Variants in TMEFF1 observed in about 807,000 individuals in gnomAD.
The protein encoded by TMEFF1 is tomoregulin-1.
A neutral mutation model predicts 47.5 loss-of-function variants in TMEFF1; 20 were observed. The ratio of observed to expected loss-of-function variants is 0.42; its 90% CI spans 0.30 to 0.61. The LOEUF (loss-of-function observed/expected upper bound fraction) is 0.61, where lower values mean the gene tolerates loss of function less well. Among genes scored for constraint, TMEFF1 ranks in the 20% least tolerant of loss-of-function variants. The pLI is 0.19. For synonymous variants in TMEFF1, 162 were observed against 166.3 expected, an observed-to-expected ratio of 0.97 and a Z score of 0.20; for missense variants, 411 against 471.1, an observed-to-expected ratio of 0.87 and a Z score of 1.18.
At chr9:100,536,994 T>G (rs916957450) in intron 5 of TMEFF1, among the ~76,000 whole-genome samples, 1 of 152,240 alleles carries the variant, frequency 6.6e-6, no homozygotes, top group Non-Finnish European at 1.5e-5. Context: ...TGAAGAGATG[T>G]TACATGATAG....
intron 9 of TMEFF1, 106 bp downstream of exon 9, chr9:100,572,782 T>G: frequency 9.8e-6 from 13 of 1,329,910 alleles, no homozygotes; most frequent in Admixed American, 3.0e-5. Flanking sequence ...TTATGATCAG[T>G]TCCCTGAGGT....
intron 5 of TMEFF1, among the ~76,000 whole-genome samples, chr9:100,532,982 G>A (rs1213985142): frequency 5.3e-5 from 8 of 150,826 alleles, no homozygotes; most frequent in East Asian, 2.0e-4. Context: ...GTAAACTATC[G>A]CAAGAACAAA....
intron 5 of TMEFF1, among the ~76,000 whole-genome samples, chr9:100,529,544 A>C (rs1392598191): frequency 2.0e-5 from 3 of 151,452 alleles, no homozygotes; most frequent in Admixed American, 6.6e-5. Flanking sequence ...AGAGCTAACT[A>C]TCCTAAATAT....
At chr9:100,546,621 T>G (rs1327538343) in intron 5 of TMEFF1, among the ~76,000 whole-genome samples, 4 of 152,254 alleles carry the variant, frequency 2.6e-5, no homozygotes, top group African/African-American at 7.2e-5. Flanking sequence ...GACCTTTCTC[T>G]GTGCCTGTGT....
chr9:100,503,681 T>G (rs1483551458), intron 2 of TMEFF1, among the ~76,000 whole-genome samples: 1 of 152,116 alleles, frequency 6.6e-6, no homozygotes, highest in African/African-American at 2.4e-5. Context: ...AAGCCAGTGG[T>G]ACAAGTCCCT....
At chr9:100,506,812 T>C (rs2118351728) in intron 2 of TMEFF1, among the ~76,000 whole-genome samples, 1 of 151,114 alleles carries the variant, frequency 6.6e-6, no homozygotes, top group Non-Finnish European at 1.5e-5. Context: ...AGAAATTATA[T>C]ATGTGCTTTT....
intron 1 of TMEFF1, among the ~76,000 whole-genome samples, chr9:100,489,681 A>C (rs1251312220): frequency 6.6e-6 from 1 of 152,160 alleles, no homozygotes; most frequent in Non-Finnish European, 1.5e-5. Flanking sequence ...AATAGGCATT[A>C]AAAAAAGTTT....
Position 100,487,728 on chromosome 9 carries a change from C to T in TMEFF1, c.197-11037C>T, listed in dbSNP as rs996053016. ...GTTTGCAGTGTTCTTTTATAAGGAT[C>T]TCTTATAACCATTGGAATCCTATAA... On this transcript the variant is annotated intron_variant, in intron 1 of 9. Transcript: ENST00000374879. Among the ~76,000 whole-genome samples the T allele has an allele frequency of 2.7e-5, 4 of 149,882 alleles. No homozygotes were observed. The East Asian group carries it at 5.8e-4, about 22-fold the overall frequency.
At chr9:100,483,877 T>C (rs1837391660) in intron 1 of TMEFF1, among the ~76,000 whole-genome samples, 1 of 152,142 alleles carries the variant, frequency 6.6e-6, no homozygotes, top group Admixed American at 6.6e-5. Context: ...TACTTTAAAT[T>C]TTTTGTTTTG....
At chr9:100,487,607 T>G (rs1057280440) in intron 1 of TMEFF1, among the ~76,000 whole-genome samples, 9 of 152,200 alleles carry the variant, frequency 5.9e-5, no homozygotes, top group African/African-American at 2.2e-4. Flanking sequence ...ATTCAATGTT[T>G]TACAACAAAA....
At chr9:100,571,406 A>T (rs1467427028) in intron 8 of TMEFF1, among the ~76,000 whole-genome samples, 1 of 152,172 alleles carries the variant, frequency 6.6e-6, no homozygotes, top group African/African-American at 2.4e-5. Context: ...ATGGAGTATT[A>T]TATTTCTGTT....
At chr9:100,552,718 C>T (rs1211482907) in intron 7 of TMEFF1, among the ~76,000 whole-genome samples, 2 of 152,044 alleles carry the variant, frequency 1.3e-5, no homozygotes, top group Admixed American at 1.3e-4. Flanking sequence ...ACAAAATTAA[C>T]CCGTGGTGGT....
intron 8 of TMEFF1, among the ~76,000 whole-genome samples, chr9:100,571,801 A>C (rs1839244340): frequency 6.6e-6 from 1 of 152,264 alleles, no homozygotes; most frequent in Non-Finnish European, 1.5e-5. Flanking sequence ...TTTTCCTGCA[A>C]TTAGACAGTC....
chr9:100,526,167 A>G (rs1165226324), intron 5 of TMEFF1, among the ~76,000 whole-genome samples: 2 of 152,200 alleles, frequency 1.3e-5, no homozygotes, highest in East Asian at 1.9e-4. Flanking sequence ...GTTGTCTTCT[A>G]GCTTCCAGTG....
chr9:100,514,624 G>A (rs1274081798), intron 4 of TMEFF1, among the ~76,000 whole-genome samples: 2 of 151,516 alleles, frequency 1.3e-5, no homozygotes, highest in Non-Finnish European at 2.9e-5. Context: ...GCTGAGATGG[G>A]AGGATCACTT....
intron 4 of TMEFF1, among the ~76,000 whole-genome samples, chr9:100,516,450 A>G (rs555818709): frequency 1.3e-5 from 2 of 152,228 alleles, no homozygotes; most frequent in South Asian, 4.2e-4. Context: ...ACATAGTTTA[A>G]GGGATCATTT....
intron 2 of TMEFF1, among the ~76,000 whole-genome samples, chr9:100,505,511 A>G (rs571602047): frequency 2.2e-4 from 33 of 152,180 alleles, no homozygotes; most frequent in Non-Finnish European, 3.4e-4. Context: ...TGCTAGAATA[A>G]AAACCAATAT....
chr9:100,525,690 T>C (rs969321933), intron 5 of TMEFF1, among the ~76,000 whole-genome samples: 1 of 152,140 alleles, frequency 6.6e-6, no homozygotes, highest in Non-Finnish European at 1.5e-5. Flanking sequence ...AGAATTGGGG[T>C]GGGGCTGGGA....
intron 5 of TMEFF1, among the ~76,000 whole-genome samples, chr9:100,532,872 A>G (rs1484377755): frequency 6.6e-6 from 1 of 152,172 alleles, no homozygotes; most frequent in Non-Finnish European, 1.5e-5. Context: ...GATTAAGAAA[A>G]TATGGCATAT....
Sources: gnomAD v4.1 joint callset for allele counts (sites outside exome capture counted in the v4.1 genomes callset) on GRCh38, gnomAD v4.1.1 for gene constraint, MANE v1.5 for transcripts, NCBI Gene and HGNC (gene_info 2026-07-23, HGNC 2026-07-21) for gene names.